ZNF638: variants seen among roughly 807,000 people sequenced by gnomAD.
ZNF638 encodes the protein CTCL tumor antigen se33-1.
In ZNF638, 46 loss-of-function variants were observed where a neutral mutation model predicts 195.6. The observed-to-expected ratio is 0.24, with a 90% CI of 0.19 to 0.30. The LOEUF (loss-of-function observed/expected upper bound fraction) is 0.30. ZNF638 is among the 10% of genes least tolerant of loss of function. The pLI is 1.00. For synonymous variants in ZNF638, 845 were observed against 772.0 expected (o/e 1.09, Z -1.57); for missense variants, 2,440 against 2,325.3 (o/e 1.05, Z -1.01).
At chr2:71,344,232 T>A (rs1422033342) in intron 1 of ZNF638, among the ~76,000 whole-genome samples, 2 of 152,262 alleles carry the variant, frequency 1.3e-5, no homozygotes, top group African/African-American at 2.4e-5. Flanking sequence ...TTTGTATGGA[T>A]TCTGATTCTG....
chr2:71,426,804 A>C lies in ZNF638; in HGVS notation c.4935A>C (p.Leu1645Phe), dbSNP rs1310258336. The C allele has an allele frequency of 1.9e-6, 3 of 1,613,264 alleles. No homozygotes were observed. Among genetic ancestry groups the C allele is most frequent in the Non-Finnish European group, 2.5e-6 (3 of 1,179,598 alleles). The change falls in exon 24 of 28, where the codon TTA (leucine) becomes TTC (phenylalanine). Residue 1645 changes from leucine (L) to phenylalanine (F), a missense_variant. Coordinates refer to ENST00000264447, the MANE Select transcript of ZNF638 (RefSeq NM_014497.5). ...MVKNSNSLFT[L>F]DELIDQDDCI... ...AAAATTCAAATTCACTTTTTACATT[A>C]GATGAATTAATTGACCAAGATGATT...
At chr2:71,354,342 G>A (rs1573036994) in intron 2 of ZNF638, among the ~76,000 whole-genome samples, 1 of 66,166 alleles carries the variant, frequency 1.5e-5, no homozygotes, top group Non-Finnish European at 2.8e-5. Flanking sequence ...AACTGTATTG[G>A]CTTTTTTTTT....
chr2:71,390,961 A>G (rs1460352294), intron 10 of ZNF638, among the ~76,000 whole-genome samples: 1 of 152,206 alleles, frequency 6.6e-6, no homozygotes, highest in Admixed American at 6.5e-5. Flanking sequence ...CTTTCTAATA[A>G]TGGCCACTGT....
intron 4 of ZNF638, 114 bp from the exon 5 acceptor site, chr2:71,363,840 T>C (rs762353535): frequency 6.2e-6 from 8 of 1,292,426 alleles, no homozygotes; most frequent in Non-Finnish European, 8.3e-6. Flanking sequence ...ATATCTTTTA[T>C]GAGAGTTTGG....
intron 20 of ZNF638, among the ~76,000 whole-genome samples, chr2:71,412,020 T>G (rs1296560867): frequency 3.8e-4 from 44 of 114,286 alleles, no homozygotes; most frequent in Admixed American, 9.1e-4. Flanking sequence ...CAAATGTTAT[T>G]TCTAGTTCTA....
intron 8 of ZNF638, among the ~76,000 whole-genome samples, chr2:71,370,900 G>A (rs2079298522): frequency 6.6e-6 from 1 of 151,880 alleles, no homozygotes. Context: ...TAGTCACTCT[G>A]TTGCGCTAGC....
intron 10 of ZNF638, among the ~76,000 whole-genome samples, chr2:71,388,018 ATAAT>A (rs2104383787): frequency 6.6e-6 from 1 of 152,292 alleles, no homozygotes; most frequent in East Asian, 1.9e-4. Flanking sequence ...AACTACACTT[ATAAT>A]TAAAGAAAAA....
chr2:71,375,289 G>T (rs1396072333), intron 8 of ZNF638: 2 of 152,150 alleles, frequency 1.3e-5, no homozygotes, highest in East Asian at 3.8e-4. Flanking sequence ...ACAAATAAGA[G>T]GTATATTTAT....
intron 1 of ZNF638, among the ~76,000 whole-genome samples, chr2:71,332,440 G>A (rs1209105648): frequency 2.0e-5 from 3 of 152,216 alleles, no homozygotes; most frequent in African/African-American, 7.2e-5. Flanking sequence ...ATGAAGGAGG[G>A]AATGTTAGGA....
At position 71,364,118 on chromosome 2, in the gene ZNF638, G is replaced by C; in HGVS notation, c.1583G>C (p.Arg528Pro). 6.2e-7 allele frequency: 1 copy of C among 1,614,078 alleles called. No homozygotes were observed. Among genetic ancestry groups the C allele is most frequent in the Non-Finnish European group, 8.5e-7 (1 of 1,180,008 alleles). The change falls in exon 5 of 28, where the codon CGT becomes CCT. Residue 528 changes from arginine (R) to proline (P), a missense_variant. This residue lies in a region of ZNF638 where 1,883 missense variants were observed against 1,739.1 expected (regional missense o/e 1.08). Coordinates refer to ENST00000264447, the MANE Select transcript of ZNF638 (RefSeq NM_014497.5). ...AGTCGAAGTCCAAGAATTTGCCATC[G>C]TTTCATTTCTAGATACAGATCCAGA... ...PRSRSPRICH[R>P]FISRYRSRSR...
At chr2:71,358,729 A>G (rs369938349) in intron 3 of ZNF638, among the ~76,000 whole-genome samples, 20 of 152,152 alleles carry the variant, frequency 1.3e-4, no homozygotes, top group South Asian at 8.3e-4. Context: ...TCTGATCACA[A>G]TGGCAGATCC....
In ZNF638 at chr2:71,389,902, C is replaced by T. The variant is rs532685394; in HGVS notation, c.2378-6239C>T. On this transcript the variant is annotated intron_variant, in intron 10 of 27. Coordinates refer to ENST00000264447, the MANE Select transcript of ZNF638 (RefSeq NM_014497.5). ...CAGGCAGTCAGAGGAAAGGCAGTTA[C>T]GGCCAGGGAACTTACACGAGCACGT... Among the ~76,000 whole-genome samples, 15 of 152,222 alleles carry T rather than the reference C, an allele frequency of 9.9e-5. No individual in the cohort carries two copies. In the East Asian group the frequency reaches 2.3e-3, roughly 24 times the overall value.
At chr2:71,427,849 A>AT (rs1558887844) in intron 24 of ZNF638, among the ~76,000 whole-genome samples, 12 of 151,892 alleles carry the variant, frequency 7.9e-5, no homozygotes, top group African/African-American at 2.9e-4. Context: ...ACAGAATAGT[A>AT]CGGCAGCTCA....
At chr2:71,353,174 T>C (rs929156984) in intron 2 of ZNF638, among the ~76,000 whole-genome samples, 1 of 152,184 alleles carries the variant, frequency 6.6e-6, no homozygotes, top group Non-Finnish European at 1.5e-5. Flanking sequence ...AATCTGACAA[T>C]ATGTATATTC....
At chr2:71,406,060 G>C in intron 18 of ZNF638, 68 bp from the exon 19 acceptor site, 8 of 1,573,130 alleles carry the variant, frequency 5.1e-6, no homozygotes, top group Non-Finnish European at 6.9e-6. Context: ...GTAAGTTAAT[G>C]TTAATCTGTT....
intron 19 of ZNF638, 25 bp downstream of exon 19, chr2:71,406,287 C>T (rs6714984): frequency 0.056 from 88,616 of 1,594,438 alleles, 2,901 homozygotes; most frequent in South Asian, 0.066. Flanking sequence ...CATAATTTAG[C>T]TATTCATTCT....
At chr2:71,348,679 T>A (rs987454515) in intron 1 of ZNF638, 74 bp from the exon 2 acceptor site, 6 of 1,371,430 alleles carry the variant, frequency 4.4e-6, no homozygotes, top group Non-Finnish European at 5.7e-6. Context: ...CAAAATGTTT[T>A]ACACTGGCTG....
chr2:71,431,621 G>T (rs199887385), intron 26 of ZNF638, among the ~76,000 whole-genome samples, 193 bp downstream of exon 26: 1 of 152,148 alleles, frequency 6.6e-6, no homozygotes, highest in East Asian at 1.9e-4. Flanking sequence ...TTAGCCGGAC[G>T]TGGTGGCGGG....
intron 10 of ZNF638, among the ~76,000 whole-genome samples, chr2:71,383,756 CTTTTTCTTTTTTTTTT>C (rs1405524839): frequency 2.3e-5 from 2 of 88,032 alleles, no homozygotes; most frequent in Admixed American, 1.4e-4. Flanking sequence ...TTTTTTTTTT[CTTTTTCTTTTTTTTTT>C]TTTTTTTTTA....
Sources: allele counts gnomAD v4.1 joint callset (sites outside exome capture counted in the v4.1 genomes callset), GRCh38; gene constraint gnomAD v4.1.1; regional missense constraint gnomAD v4.1.1; transcripts MANE v1.5; gene names NCBI Gene and HGNC (gene_info 2026-07-23, HGNC 2026-07-21).